Variants in ANK2 observed in about 807,000 individuals in gnomAD.
ANK2 encodes ankyrin-2.
In ANK2, 83 loss-of-function variants were observed where a neutral mutation model predicts 360.5. The ratio of observed to expected loss-of-function variants is 0.23; its 90% CI spans 0.19 to 0.28. ANK2 has a LOEUF of 0.28. ANK2 is among the 10% of genes least tolerant of loss of function. ANK2 has a pLI of 1.00. For missense variants in ANK2, 4,201 were observed against 4,795.7 expected, an observed-to-expected ratio of 0.88 and a Z score of 3.66; for synonymous variants, 1,740 against 1,759.5, an observed-to-expected ratio of 0.99 and a Z score of 0.28.
intron 43 of ANK2, chr4:113,372,672 T>TAAA (rs2096782137): frequency 7.5e-7 from 1 of 1,325,810 alleles, no homozygotes; most frequent in Non-Finnish European, 1.0e-6. Context: ...CCTGTCCCCA[T>TAAA]ATTCTAAGAG....
intron 2 of ANK2, among the ~76,000 whole-genome samples, chr4:112,968,377 C>A (rs2038164505): frequency 6.6e-6 from 1 of 152,306 alleles, no homozygotes; most frequent in African/African-American, 2.4e-5. Flanking sequence ...CTCATCTCAC[C>A]TATGCCACAC....
At chr4:113,182,961 T>TGAGAGA (rs149054986) in intron 2 of ANK2, among the ~76,000 whole-genome samples, 4,633 of 152,106 alleles carry the variant, frequency 0.03, 232 homozygotes, top group African/African-American at 0.11. Flanking sequence ...ATAAATAATT[T>TGAGAGA]GAGAGAGAGA....
At chr4:112,924,383 A>G (rs2092209297) in intron 2 of ANK2, among the ~76,000 whole-genome samples, 1 of 151,516 alleles carries the variant, frequency 6.6e-6, no homozygotes, top group South Asian at 2.1e-4. Context: ...AAAAAAAAAG[A>G]AAAACAGAAA....
At chr4:113,292,992 C>T (rs889260165) in intron 21 of ANK2, 3 of 355,968 alleles carry the variant, frequency 8.4e-6, no homozygotes, top group African/African-American at 4.3e-5. Context: ...TTTTGCTGCA[C>T]AGTGAGCTTC....
intron 1 of ANK2, among the ~76,000 whole-genome samples, chr4:113,132,269 A>G (rs939475409): frequency 5.3e-5 from 8 of 152,106 alleles, no homozygotes; most frequent in Non-Finnish European, 1.2e-4. Context: ...ATATAGATGT[A>G]TTTATCAAAA....
At chr4:112,982,538 T>A (rs2043418663) in intron 2 of ANK2, among the ~76,000 whole-genome samples, 1 of 152,160 alleles carries the variant, frequency 6.6e-6, no homozygotes, top group South Asian at 2.1e-4. Context: ...ACAAGAAATT[T>A]AAAAAAATTA....
the ANK2 span, among the ~76,000 whole-genome samples, chr4:112,756,929 C>T: frequency 5.0e-4 from 76 of 151,788 alleles, no homozygotes; most frequent in Non-Finnish European, 9.9e-4. Flanking sequence ...GTTGAGATTG[C>T]GGCATTGCAA....
chr4:113,179,417 G>A (rs2098335330), intron 2 of ANK2, among the ~76,000 whole-genome samples: 1 of 152,008 alleles, frequency 6.6e-6, no homozygotes, highest in African/African-American at 2.4e-5. Flanking sequence ...TTATAAAATT[G>A]GTTTCACAAC....
chr4:113,317,560 T>C lies in ANK2; in HGVS notation c.2694-147T>C. On this transcript the variant is annotated intron_variant, in intron 24 of 45. Transcript: ENST00000357077. ...TTAGTTCAGCTGTTGGACAAAAAGG[T>C]AGGACAACAGAGACTTGTGTCCCCC... The C allele has an allele frequency of 4.3e-6, 3 of 698,712 alleles. No individual in the cohort carries two copies. The South Asian group carries it at 4.6e-5, about 11-fold the overall frequency. The allele number at this position is 698,712 out of a possible 1,614,324, so 43.3% of individuals were successfully genotyped here.
At chr4:113,045,828 T>C (rs181243979), upstream of ANK2, among the ~76,000 whole-genome samples, 50 of 152,272 alleles carry the variant, frequency 3.3e-4, 1 homozygote, top group East Asian at 9.1e-3. Flanking sequence ...AGAAAGTACA[T>C]AAAGGGAAAG....
chr4:112,816,229 T>A (rs11736591), upstream of ANK2, among the ~76,000 whole-genome samples: 4 of 152,148 alleles, frequency 2.6e-5, no homozygotes, highest in Non-Finnish European at 5.9e-5. Context: ...AAAACCCACA[T>A]ATCTGGTGTC....
chr4:112,762,297 A>C, the ANK2 span, among the ~76,000 whole-genome samples: 7 of 152,250 alleles, frequency 4.6e-5, no homozygotes, highest in Admixed American at 4.6e-4. Context: ...TAGATAAAGG[A>C]AAAATTAGTA....
At chr4:112,759,840 A>G in the ANK2 span, among the ~76,000 whole-genome samples, 2 of 152,088 alleles carry the variant, frequency 1.3e-5, no homozygotes, top group Non-Finnish European at 2.9e-5. Flanking sequence ...TCTGCTATTA[A>G]TTCATCACCA....
intron 1 of ANK2, among the ~76,000 whole-genome samples, chr4:112,833,508 AT>A (rs34479387): frequency 3.1e-4 from 45 of 146,864 alleles, no homozygotes; most frequent in Middle Eastern, 3.5e-3. Context: ...TGATTTATGT[AT>A]TTTTTTTTTT....
At chr4:112,861,680 G>T (rs1368620990) in intron 1 of ANK2, among the ~76,000 whole-genome samples, 2 of 152,180 alleles carry the variant, frequency 1.3e-5, no homozygotes, top group African/African-American at 4.8e-5. Context: ...CATAGTTAGT[G>T]TCTCAAGGGA....
chr4:113,308,994 C>G (rs951657143), intron 23 of ANK2, among the ~76,000 whole-genome samples: 1 of 152,176 alleles, frequency 6.6e-6, no homozygotes, highest in Non-Finnish European at 1.5e-5. Context: ...TCATTAAATA[C>G]ATTTAAAGCT....
intron 4 of ANK2, among the ~76,000 whole-genome samples, chr4:113,207,704 A>AAAG (rs1388359014): frequency 2.7e-5 from 4 of 150,380 alleles, no homozygotes; most frequent in South Asian, 2.1e-4. Context: ...AAAAAAAAAA[A>AAAG]AAGAAGAAGT....
chr4:112,886,274 C>T (rs1224905770), intron 1 of ANK2, among the ~76,000 whole-genome samples: 3 of 152,082 alleles, frequency 2.0e-5, no homozygotes, highest in Admixed American at 6.5e-5. Flanking sequence ...TCTGGCTCAG[C>T]TAGAATATAA....
chr4:113,176,397 T>C (rs147060165), intron 2 of ANK2, among the ~76,000 whole-genome samples: 2,453 of 152,292 alleles, frequency 0.016, 34 homozygotes, highest in Non-Finnish European at 0.023. Context: ...TGTATTCCAA[T>C]ATGTAAAATC....
Sources: allele counts gnomAD v4.1 joint callset (sites outside exome capture counted in the v4.1 genomes callset), GRCh38; gene constraint gnomAD v4.1.1; transcripts MANE v1.5; gene names NCBI Gene and HGNC (gene_info 2026-07-23, HGNC 2026-07-21).